TRERF1: variants seen among roughly 807,000 people sequenced by gnomAD.
TRERF1 encodes the protein transcriptional-regulating factor 1.
A neutral mutation model predicts 122.9 loss-of-function variants in TRERF1; 27 were observed. The ratio of observed to expected loss-of-function variants is 0.22; its 90% CI spans 0.16 to 0.30. The LOEUF (loss-of-function observed/expected upper bound fraction) is 0.30, where lower values mean the gene tolerates loss of function less well. TRERF1 is among the 10% of genes least tolerant of loss of function. TRERF1 has a pLI of 1.00. For synonymous variants in TRERF1, 636 were observed against 641.7 expected (o/e 0.99, Z 0.13); for missense variants, 1,248 against 1,560.3 (o/e 0.80, Z 3.37).
At position 42,275,872 on chromosome 6, in the gene TRERF1, G is replaced by A. The variant is rs1054613169; in HGVS notation, c.-258-6024C>T. Among the ~76,000 whole-genome samples, 9 of 152,180 alleles carry A rather than the reference G, an allele frequency of 5.9e-5. No individual in the cohort carries two copies. Among genetic ancestry groups the A allele is most frequent in the African/African-American group, 1.9e-4 (8 of 41,434 alleles). The stretch of plus-strand genomic sequence containing the variant: ...ATGGTTTCTGTCACAACGCTGCCAC[G>A]GTAGCGTGAAAGCGGCCACAGACCA... On this transcript the variant is annotated intron_variant, in intron 4 of 17. Transcript: ENST00000372922. This position sits in a 1 kb window ranked among gnomAD's most constrained non-coding sequence, Gnocchi z 4.1.
intron 3 of TRERF1, among the ~76,000 whole-genome samples, chr6:42,336,524 G>C (rs1766215372): frequency 6.6e-6 from 1 of 152,166 alleles, no homozygotes; most frequent in Non-Finnish European, 1.5e-5. Flanking sequence ...TACTGAAGAT[G>C]CACCGGAGTA....
intron 2 of TRERF1, among the ~76,000 whole-genome samples, chr6:42,369,452 T>A (rs1773375825): frequency 1.3e-5 from 2 of 151,822 alleles, no homozygotes; most frequent in South Asian, 4.2e-4. Context: ...TCAAAAAATA[T>A]GAACAAACAA....
At chr6:42,320,926 T>C (rs1430508055) in intron 3 of TRERF1, among the ~76,000 whole-genome samples, 7 of 152,064 alleles carry the variant, frequency 4.6e-5, no homozygotes, top group Non-Finnish European at 2.9e-5. Context: ...GATTAGAAAC[T>C]GATGATGCAA....
intron 2 of TRERF1, among the ~76,000 whole-genome samples, chr6:42,363,547 C>T (rs1772174525): frequency 6.6e-6 from 1 of 152,126 alleles, no homozygotes; most frequent in African/African-American, 2.4e-5. Flanking sequence ...GGGGGTTGAA[C>T]TGTGTCTCCC....
chr6:42,355,676 C>T (rs995160746), intron 3 of TRERF1, among the ~76,000 whole-genome samples: 3 of 152,140 alleles, frequency 2.0e-5, no homozygotes, highest in African/African-American at 7.2e-5. Flanking sequence ...AATATTCCAC[C>T]TGGCACAGGG....
At position 42,258,742 on chromosome 6, in the gene TRERF1, T is replaced by G. The variant is rs562335426; in HGVS notation, c.2270-541A>C. On this transcript the variant is annotated intron_variant, in intron 9 of 17. Transcript: ENST00000372922. ...GGTGCCTGCTACCACATCCCGTTAT[T>G]TTTTTTTTTGAGACGGAGTTTCACT... is the stretch of plus-strand genomic sequence containing the variant. Among the ~76,000 whole-genome samples, 332 of 150,748 alleles carry G rather than the reference T, an allele frequency of 2.2e-3. 6 individuals carry two copies. The highest frequency in any genetic ancestry group is 7.5e-3 in the African/African-American group (310 of 41,284).
In TRERF1 at chr6:42,236,235, G is replaced by A. The variant is rs140751252; in HGVS notation, c.3036C>T (p.Ser1012=). The A allele has an allele frequency of 4.7e-4, 751 of 1,599,048 alleles. 2 individuals are homozygous for A. The African/African-American group carries it at 7.7e-3, about 16-fold the overall frequency. ...CACAGTTGGGCATTTCACAGATGAA[G>A]GAGCCTGAGGGCTGGCCCAGGGCCT... Residue 1012 remains serine, a synonymous_variant, in exon 16 of 18, where the codon TCC becomes TCT. Coordinates refer to ENST00000372922, the Ensembl canonical transcript of TRERF1.
chr6:42,356,233 AAG>A (rs1554186146), intron 3 of TRERF1, among the ~76,000 whole-genome samples: 1 of 152,202 alleles, frequency 6.6e-6, no homozygotes, highest in Non-Finnish European at 1.5e-5. Context: ...ACCACAAATA[AAG>A]ACTCAAGAGT....
chr6:42,328,404 G>A (rs921002469), intron 3 of TRERF1, among the ~76,000 whole-genome samples: 2 of 152,126 alleles, frequency 1.3e-5, no homozygotes, highest in African/African-American at 4.8e-5. Flanking sequence ...TGGGTAAACT[G>A]GTGTCACGGA....
At chr6:42,332,886 C>CCATGG (rs1431106862) in intron 3 of TRERF1, among the ~76,000 whole-genome samples, 3 of 152,162 alleles carry the variant, frequency 2.0e-5, no homozygotes, top group Non-Finnish European at 2.9e-5. Context: ...AACAAAAATG[C>CCATGG]CATGCCCTTC....
chr6:42,300,249 A>C (rs1280625084), intron 4 of TRERF1, among the ~76,000 whole-genome samples: 1 of 152,200 alleles, frequency 6.6e-6, no homozygotes, highest in Non-Finnish European at 1.5e-5. Flanking sequence ...GTGGGACAGA[A>C]GTCTGTCTAG....
chr6:42,282,348 G>A (rs1782444895), intron 4 of TRERF1, among the ~76,000 whole-genome samples: 1 of 152,194 alleles, frequency 6.6e-6, no homozygotes, highest in Non-Finnish European at 1.5e-5. Context: ...AGGAGTTAGA[G>A]ACCAGTCTGG....
rs1003179431 is a variant in TRERF1 at position 42,263,883 on chromosome 6, G to A, written c.1636-315C>T. ...CGGACTTGTAATCAGTCCAAAAGAAGGTACGATCTTGTGTAGGAGTTTTTA... is the reference window on the plus strand; with the variant it reads ...CGGACTTGTAATCAGTCCAAAAGAAAGTACGATCTTGTGTAGGAGTTTTTA... On this transcript the variant is annotated intron_variant, in intron 7 of 17. Transcript: ENST00000372922. The surrounding 1 kb of genome is among the most constrained non-coding windows in gnomAD (Gnocchi z 5.6). Among the ~76,000 whole-genome samples, 1 of 152,190 alleles carries A rather than the reference G, an allele frequency of 6.6e-6. No homozygotes were observed. Among genetic ancestry groups the A allele is most frequent in the African/African-American group, 2.4e-5 (1 of 41,442 alleles).
chr6:42,290,741 C>CT (rs144168592), intron 4 of TRERF1, among the ~76,000 whole-genome samples: 13,179 of 92,456 alleles, frequency 0.14, 1,157 homozygotes, highest in African/African-American at 0.16. Context: ...CATTTCTTTC[C>CT]TTTTTTTTTT....
At chr6:42,415,771 T>C (rs183917002) in intron 2 of TRERF1, among the ~76,000 whole-genome samples, 8 of 152,268 alleles carry the variant, frequency 5.3e-5, no homozygotes, top group Admixed American at 3.3e-4. Flanking sequence ...TTTAAAATGT[T>C]TACCATGTAT....
intron 3 of TRERF1, among the ~76,000 whole-genome samples, chr6:42,360,835 G>A (rs558087951): frequency 6.2e-5 from 9 of 145,266 alleles, no homozygotes; most frequent in Admixed American, 4.2e-4. Context: ...TGAGCTGCTG[G>A]TTCACACCCA....
At chr6:42,349,805 G>T (rs188292729) in intron 3 of TRERF1, among the ~76,000 whole-genome samples, 96 of 152,146 alleles carry the variant, frequency 6.3e-4, no homozygotes, top group Non-Finnish European at 1.1e-3. Context: ...GGTAACCGCC[G>T]AAGAGCCCAG....
intron 2 of TRERF1, among the ~76,000 whole-genome samples, chr6:42,373,978 C>A (rs1256469688): frequency 7.1e-6 from 1 of 140,408 alleles, no homozygotes; most frequent in Non-Finnish European, 1.6e-5. Context: ...ACTAAAAATA[C>A]AAAAATTAGC....
At chr6:42,354,350 A>G (rs1372835250) in intron 3 of TRERF1, among the ~76,000 whole-genome samples, 1 of 149,704 alleles carries the variant, frequency 6.7e-6, no homozygotes, top group Non-Finnish European at 1.5e-5. Context: ...TAATTCTGTC[A>G]TATTATTGCC....
Sources: allele counts gnomAD v4.1 joint callset (sites outside exome capture counted in the v4.1 genomes callset), GRCh38; gene constraint gnomAD v4.1.1; non-coding constraint Gnocchi (gnomAD v3.1); transcripts MANE v1.5; gene names NCBI Gene and HGNC (gene_info 2026-07-23, HGNC 2026-07-21).